Variants in SPECC1 observed in about 807,000 individuals in gnomAD.
The protein encoded by SPECC1 is sperm antigen with calponin homology and coiled-coil domains 1.
Under a neutral mutation model 104.1 loss-of-function variants are expected in SPECC1, and 62 were observed. The ratio of observed to expected loss-of-function variants is 0.60; its 90% CI spans 0.49 to 0.74. The LOEUF (loss-of-function observed/expected upper bound fraction) is 0.74, where lower values mean the gene tolerates loss of function less well. SPECC1 is among the 30% of genes least tolerant of loss of function. The probability of loss-of-function intolerance (pLI) is 0.00; values close to 1 mark genes in which losing one functional copy is unlikely to be tolerated. For synonymous variants in SPECC1, 513 were observed against 501.6 expected, an observed-to-expected ratio of 1.02 and a Z score of -0.30; for missense variants, 1,306 against 1,310.5, an observed-to-expected ratio of 1.00 and a Z score of 0.05.
At chr17:20,160,296 G>A (rs1490936135) in intron 3 of SPECC1, among the ~76,000 whole-genome samples, 1 of 152,172 alleles carries the variant, frequency 6.6e-6, no homozygotes, top group Admixed American at 6.5e-5. Context: ...CTCCTCTTCA[G>A]CATATGGCTC....
intron 4 of SPECC1, among the ~76,000 whole-genome samples, chr17:20,221,712 G>C (rs1462438184): frequency 6.6e-6 from 1 of 151,534 alleles, no homozygotes; most frequent in Non-Finnish European, 1.5e-5. Flanking sequence ...TGCTTTTCTG[G>C]TTATTTAAGA....
At chr17:20,167,442 G>A (rs1216819562) in intron 3 of SPECC1, among the ~76,000 whole-genome samples, 1 of 152,120 alleles carries the variant, frequency 6.6e-6, no homozygotes, top group Non-Finnish European at 1.5e-5. Flanking sequence ...CACTTTGGGA[G>A]GCCGAGATGG....
At chr17:20,129,142 T>C (rs528551707) in intron 3 of SPECC1, among the ~76,000 whole-genome samples, 1 of 152,154 alleles carries the variant, frequency 6.6e-6, no homozygotes, top group African/African-American at 2.4e-5. Context: ...CCCAAAGTGC[T>C]GAGATTATGG....
intron 3 of SPECC1, among the ~76,000 whole-genome samples, chr17:20,200,735 C>T (rs1015851106): frequency 2.0e-5 from 3 of 152,080 alleles, no homozygotes; most frequent in African/African-American, 7.2e-5. Flanking sequence ...GGCTGGAGGC[C>T]TGGGCTCACA....
chr17:20,300,638 C>T (rs1481999436), intron 13 of SPECC1, among the ~76,000 whole-genome samples: 1 of 152,242 alleles, frequency 6.6e-6, no homozygotes, highest in Non-Finnish European at 1.5e-5. Context: ...GCCTCCTGGG[C>T]CAGAGCCCCT....
intron 11 of SPECC1, among the ~76,000 whole-genome samples, chr17:20,257,877 G>T (rs1233409251): frequency 6.6e-6 from 1 of 152,180 alleles, no homozygotes; most frequent in Non-Finnish European, 1.5e-5. Context: ...AGAGAGAAGT[G>T]GTGTTTCTGC....
chr17:20,164,894 TTTAGCACTTAA>T, intron 3 of SPECC1, among the ~76,000 whole-genome samples: 1 of 152,332 alleles, frequency 6.6e-6, no homozygotes, highest in South Asian at 2.1e-4. Context: ...TTTACACTTC[TTTAGCACTTAA>T]AATATATAAA....
chr17:20,024,028 T>C (rs1439381187), intron 1 of SPECC1, among the ~76,000 whole-genome samples: 5 of 152,180 alleles, frequency 3.3e-5, no homozygotes, highest in East Asian at 1.9e-4. Context: ...AAAAGAGCAA[T>C]ACACTTTGAC....
At chr17:20,089,844 G>A (rs936671681) in intron 1 of SPECC1, among the ~76,000 whole-genome samples, 1 of 152,164 alleles carries the variant, frequency 6.6e-6, no homozygotes, top group African/African-American at 2.4e-5. Context: ...TGAGAAATGG[G>A]CGCCCTAGAG....
chr17:20,267,157 A>G (rs1299514325), intron 12 of SPECC1, among the ~76,000 whole-genome samples: 1 of 152,160 alleles, frequency 6.6e-6, no homozygotes, highest in African/African-American at 2.4e-5. Flanking sequence ...CCTTCCTCAC[A>G]TTCTGCTCAA....
intron 2 of SPECC1, among the ~76,000 whole-genome samples, chr17:20,105,560 C>G (rs2048157749): frequency 6.6e-6 from 1 of 152,168 alleles, no homozygotes; most frequent in Non-Finnish European, 1.5e-5. Flanking sequence ...CAAAAACAAA[C>G]CCTGCGATGC....
At chr17:20,084,301 C>T (rs1229946217) in intron 1 of SPECC1, among the ~76,000 whole-genome samples, 1 of 152,016 alleles carries the variant, frequency 6.6e-6, no homozygotes, top group African/African-American at 2.4e-5. Flanking sequence ...CAGTGGAGGG[C>T]ACTTGTAATT....
chr17:20,187,430 A>G (rs1489896891), intron 3 of SPECC1, among the ~76,000 whole-genome samples: 1 of 152,134 alleles, frequency 6.6e-6, no homozygotes, highest in Non-Finnish European at 1.5e-5. Flanking sequence ...GGTGCCTGGG[A>G]GAGAGTCCCC....
At chr17:20,180,211 G>C (rs1007896390) in intron 3 of SPECC1, among the ~76,000 whole-genome samples, 1 of 152,148 alleles carries the variant, frequency 6.6e-6, no homozygotes, top group African/African-American at 2.4e-5. Flanking sequence ...TAGCAAAAGC[G>C]AGGAGAGGAA....
chr17:20,071,813 TGACACTC>T (rs149126230), intron 1 of SPECC1, among the ~76,000 whole-genome samples: 3,802 of 152,288 alleles, frequency 0.025, 155 homozygotes, highest in African/African-American at 0.085. Flanking sequence ...AAAAAGTAAA[TGACACTC>T]AGTCTGAGAG....
At chr17:20,223,129 C>CA (rs749877786) in intron 4 of SPECC1, among the ~76,000 whole-genome samples, 8 of 152,116 alleles carry the variant, frequency 5.3e-5, no homozygotes, top group African/African-American at 1.9e-4. Flanking sequence ...CTTTCTACCC[C>CA]AATCTCTCTC....
chr17:20,282,083 T>A (rs138514218), intron 12 of SPECC1, among the ~76,000 whole-genome samples: 1 of 152,376 alleles, frequency 6.6e-6, no homozygotes, highest in African/African-American at 2.4e-5. Flanking sequence ...AGGCCCATGC[T>A]TGCAAGGCAA....
intron 1 of SPECC1, among the ~76,000 whole-genome samples, chr17:20,062,389 T>A (rs9897246): frequency 1.3e-3 from 193 of 152,026 alleles, no homozygotes; most frequent in Middle Eastern, 6.8e-3. Flanking sequence ...ATTAAACAGG[T>A]TCTCCCTCTT....
intron 4 of SPECC1, among the ~76,000 whole-genome samples, chr17:20,225,491 G>A (rs2038144724): frequency 6.6e-6 from 1 of 152,204 alleles, no homozygotes; most frequent in South Asian, 2.1e-4. Context: ...CTCCTTTTAT[G>A]GGTGCTGGCT....
Sources: gnomAD v4.1 joint callset for allele counts (sites outside exome capture counted in the v4.1 genomes callset) on GRCh38, gnomAD v4.1.1 for gene constraint, MANE v1.5 for transcripts, NCBI Gene and HGNC (gene_info 2026-07-23, HGNC 2026-07-21) for gene names.